The following SLC2A12 variants were observed in gnomAD, a reference collection of about 807,000 sequenced individuals.
The protein encoded by SLC2A12 is solute carrier family 2, facilitated glucose transporter member 12.
In SLC2A12, 23 loss-of-function variants were observed where a neutral mutation model predicts 41.8. The ratio of observed to expected loss-of-function variants is 0.55; its 90% CI spans 0.40 to 0.78. The LOEUF is 0.78. SLC2A12 is among the 30% of genes least tolerant of loss of function. The pLI is 0.00. For missense variants in SLC2A12, 654 were observed against 745.6 expected, an observed-to-expected ratio of 0.88 and a Z score of 1.43; for synonymous variants, 295 against 285.9, an observed-to-expected ratio of 1.03 and a Z score of -0.32.
chr6:134,028,943 T>C lies in SLC2A12; in HGVS notation c.882A>G (p.Gln294=). 6.2e-7 allele frequency: 1 copy of C among 1,614,246 alleles called. No homozygotes were observed. Among genetic ancestry groups the C allele is most frequent in the South Asian group, 1.1e-5 (1 of 91,092 alleles). ...TTGATGCATAGAACAATATGTTTGG[T>C]TGGCCAGTGATTTGTACAAAAAATA... is the stretch of plus-strand genomic sequence containing the variant. ...TLVFFVQITG[Q]PNILFYASTV... is the part of the protein sequence containing the mutation. The change falls in exon 2 of 5, where the codon CAA becomes CAG. Residue 294 remains glutamine, a synonymous_variant. Coordinates refer to ENST00000275230, the MANE Select transcript of SLC2A12 (RefSeq NM_145176.3).
chr6:134,042,774 G>A (rs537245094), intron 1 of SLC2A12, among the ~76,000 whole-genome samples: 2 of 152,174 alleles, frequency 1.3e-5, no homozygotes, highest in East Asian at 1.9e-4. Flanking sequence ...AGACCAGCCT[G>A]AGCAACATAG....
chr6:133,991,312 A>G lies in SLC2A12; in HGVS notation c.1701-4T>C, dbSNP rs1776620498. 2 of 1,610,288 alleles carry G rather than the reference A, an allele frequency of 1.2e-6. No homozygotes were observed. Among genetic ancestry groups the G allele is most frequent in the Non-Finnish European group, 1.7e-6 (2 of 1,179,034 alleles). On this transcript the variant is annotated splice_region_variant and splice_polypyrimidine_tract_variant and intron_variant, in intron 4 of 4. Coordinates refer to ENST00000275230, the MANE Select transcript of SLC2A12 (RefSeq NM_145176.3). ...AATGTTGTTTTTCACATAGTTCCTGAAAGAGAAAGAGGCACTAATGAAAAT... is the reference window on the plus strand; with the variant it reads ...AATGTTGTTTTTCACATAGTTCCTGGAAGAGAAAGAGGCACTAATGAAAAT...
At chr6:134,032,897 T>C (rs1036031315) in intron 1 of SLC2A12, among the ~76,000 whole-genome samples, 5 of 147,386 alleles carry the variant, frequency 3.4e-5, no homozygotes, top group Non-Finnish European at 7.4e-5. Flanking sequence ...AATAACTTAA[T>C]TTTTGGTGGT....
intron 4 of SLC2A12, among the ~76,000 whole-genome samples, chr6:133,991,818 A>G (rs1362015642): frequency 6.6e-6 from 1 of 152,150 alleles, no homozygotes; most frequent in African/African-American, 2.4e-5. Context: ...AATTTAACCA[A>G]TGATTTGAGT....
At chr6:134,036,347 C>T (rs530366699) in intron 1 of SLC2A12, among the ~76,000 whole-genome samples, 2 of 152,274 alleles carry the variant, frequency 1.3e-5, no homozygotes, top group African/African-American at 2.4e-5. Flanking sequence ...TCTCCCTGAA[C>T]GCCTTTGTTC....
At chr6:134,010,427 T>C (rs1427029314) in intron 2 of SLC2A12, among the ~76,000 whole-genome samples, 2 of 152,136 alleles carry the variant, frequency 1.3e-5, no homozygotes, top group African/African-American at 2.4e-5. Flanking sequence ...CACAGTGAAC[T>C]CTTCTACAGT....
intron 2 of SLC2A12, among the ~76,000 whole-genome samples, chr6:134,007,546 TTTGAATTTCTAGAAGGAGA>T (rs1454306759): frequency 6.6e-6 from 1 of 152,196 alleles, no homozygotes; most frequent in Non-Finnish European, 1.5e-5. Context: ...AGACTAAACA[TTTGAATTTCTAGAAGGAGA>T]GTCTTATTGG....
intron 3 of SLC2A12, among the ~76,000 whole-genome samples, chr6:134,006,193 C>CAAAAAAAAAAAAAA (rs571711008): frequency 8.2e-6 from 1 of 121,604 alleles, no homozygotes; most frequent in East Asian, 2.4e-4. Context: ...AAAAAAAAAA[C>CAAAAAAAAAAAAAA]AAAAAAAAAA....
At chr6:134,024,023 A>G (rs1380002321) in intron 2 of SLC2A12, among the ~76,000 whole-genome samples, 1 of 152,196 alleles carries the variant, frequency 6.6e-6, no homozygotes, top group African/African-American at 2.4e-5. Flanking sequence ...TGCTTGAGGC[A>G]TTGGTGCCGG....
Position 133,988,754 on chromosome 6 carries a change from CTTTAT to C in SLC2A12, c.*2396_*2400del, listed in dbSNP as rs1427005179. ...TTTTTAAAAAAAAAGTGTTTATTTC[CTTTAT>C]TTTAAGATTCAGTAGGATAGCCAAA... is the stretch of plus-strand genomic sequence containing the variant. On this transcript the variant is annotated 3_prime_UTR_variant, in exon 5 of 5. Transcript: ENST00000275230. 3.3e-5 allele frequency: 5 copies of C among 151,020 alleles called. No homozygotes were observed. The highest frequency in any genetic ancestry group is 2.9e-5 in the Non-Finnish European group (2 of 67,834). The allele number at this position is 151,020 out of a possible 1,614,324, so 9.4% of individuals were successfully genotyped here.
chr6:134,010,378 T>G (rs1776864428), intron 2 of SLC2A12, among the ~76,000 whole-genome samples: 1 of 152,168 alleles, frequency 6.6e-6, no homozygotes, highest in Admixed American at 6.5e-5. Context: ...CATTGTCCTA[T>G]TTGTGCATCA....
intron 2 of SLC2A12, among the ~76,000 whole-genome samples, chr6:134,019,099 C>A (rs1777006978): frequency 6.6e-6 from 1 of 152,170 alleles, no homozygotes; most frequent in African/African-American, 2.4e-5. Flanking sequence ...GGAAACATGC[C>A]TTCCATCTGC....
At chr6:134,006,133 C>A (rs1776809947) in intron 3 of SLC2A12, among the ~76,000 whole-genome samples, 1 of 142,766 alleles carries the variant, frequency 7.0e-6, no homozygotes, top group African/African-American at 2.6e-5. Flanking sequence ...GATCATGCCT[C>A]ATGCCACTGC....
chr6:134,002,723 A>G lies in SLC2A12; in HGVS notation c.1568-594T>C, dbSNP rs1431915055. ...TATTTCATCATTTTTAATAGCTTGC[A>G]GTGTATTTGTAATGTTTCTTCCTGG... On this transcript the variant is annotated intron_variant, in intron 3 of 4. Transcript: ENST00000275230. Among the ~76,000 whole-genome samples the G allele has an allele frequency of 2.0e-5, 3 of 152,194 alleles. No individual in the cohort carries two copies. In the East Asian group the frequency reaches 5.8e-4, roughly 29 times the overall value.
chr6:134,032,449 AAT>A (rs1224295083), intron 1 of SLC2A12, among the ~76,000 whole-genome samples: 846 of 31,936 alleles, frequency 0.026, 13 homozygotes, highest in East Asian at 0.08. Context: ...TATATATATA[AAT>A]ATATATATAT....
At chr6:134,000,587 G>A (rs996100300) in intron 4 of SLC2A12, among the ~76,000 whole-genome samples, 2 of 152,114 alleles carry the variant, frequency 1.3e-5, no homozygotes, top group African/African-American at 4.8e-5. Flanking sequence ...CCAACAATAA[G>A]TATCCCTGCA....
At chr6:134,031,117 T>G (rs1185885290) in intron 1 of SLC2A12, among the ~76,000 whole-genome samples, 2 of 152,132 alleles carry the variant, frequency 1.3e-5, no homozygotes, top group African/African-American at 4.8e-5. Flanking sequence ...CAGGGCTGGA[T>G]GTGGTGGCTC....
At chr6:133,995,242 T>G (rs1439080737) in intron 4 of SLC2A12, among the ~76,000 whole-genome samples, 7 of 151,954 alleles carry the variant, frequency 4.6e-5, no homozygotes, top group African/African-American at 1.7e-4. Flanking sequence ...GAAAGAATCA[T>G]AGCAGGTTTC....
chr6:133,997,691 T>C (rs1046856114), intron 4 of SLC2A12, among the ~76,000 whole-genome samples: 2 of 152,130 alleles, frequency 1.3e-5, no homozygotes, highest in Non-Finnish European at 2.9e-5. Flanking sequence ...AAACTACCTA[T>C]TGGGTACTAT....
Sources: allele counts gnomAD v4.1 joint callset (sites outside exome capture counted in the v4.1 genomes callset), GRCh38; gene constraint gnomAD v4.1.1; transcripts MANE v1.5; gene names NCBI Gene and HGNC (gene_info 2026-07-23, HGNC 2026-07-21).